EHBP1: variants seen among roughly 807,000 people sequenced by gnomAD.
The protein encoded by EHBP1 is EH domain-binding protein 1.
EHBP1 carries 55 observed loss-of-function variants against 144.0 expected under a neutral mutation model. The observed-to-expected ratio is 0.38, with a 90% CI of 0.31 to 0.48. The LOEUF is 0.48. Ranked by LOEUF, EHBP1 falls within the 20% of genes least tolerant of loss-of-function variation. The probability of loss-of-function intolerance (pLI) is 0.98; values close to 1 mark genes in which losing one functional copy is unlikely to be tolerated. For synonymous variants in EHBP1, 469 were observed against 472.7 expected (o/e 0.99, Z 0.10); for missense variants, 1,200 against 1,364.2 (o/e 0.88, Z 1.90).
At chr2:62,958,823 T>C (rs1424452803) in intron 14 of EHBP1, among the ~76,000 whole-genome samples, 2 of 152,166 alleles carry the variant, frequency 1.3e-5, no homozygotes, top group Non-Finnish European at 2.9e-5. Flanking sequence ...TTCTGAAAGA[T>C]ATAAAAGAGT....
chr2:62,887,893 G>A (rs1441993690), intron 10 of EHBP1, among the ~76,000 whole-genome samples: 1 of 152,058 alleles, frequency 6.6e-6, no homozygotes, highest in Non-Finnish European at 1.5e-5. Flanking sequence ...TTTCTTCAAG[G>A]TCATTGCTCT....
chr2:63,016,792 A>G (rs1042076749), intron 19 of EHBP1, among the ~76,000 whole-genome samples: 2 of 152,180 alleles, frequency 1.3e-5, no homozygotes, highest in Admixed American at 6.5e-5. Flanking sequence ...ATGTCAAACA[A>G]TTGATTCTGC....
chr2:62,845,092 T>C (rs1374652804), intron 7 of EHBP1, among the ~76,000 whole-genome samples: 3 of 141,706 alleles, frequency 2.1e-5, no homozygotes, highest in Non-Finnish European at 4.5e-5. Flanking sequence ...CAGATTATCT[T>C]TTTTTTTTTT....
At chr2:62,775,756 C>G (rs908421317) in intron 5 of EHBP1, among the ~76,000 whole-genome samples, 3 of 152,126 alleles carry the variant, frequency 2.0e-5, no homozygotes, top group African/African-American at 7.2e-5. Context: ...TGGTGTGAGT[C>G]AGATATAACC....
At chr2:62,767,574 C>G (rs369233607) in intron 4 of EHBP1, among the ~76,000 whole-genome samples, 1 of 151,798 alleles carries the variant, frequency 6.6e-6, no homozygotes, top group African/African-American at 2.4e-5. Context: ...GTGGCTCACT[C>G]CTGTAATCCC....
At chr2:62,748,977 ACTTTTTT>A (rs2039417308) in intron 3 of EHBP1, among the ~76,000 whole-genome samples, 1 of 151,930 alleles carries the variant, frequency 6.6e-6, no homozygotes, top group Non-Finnish European at 1.5e-5. Flanking sequence ...TGTTTTAATC[ACTTTTTT>A]CTTTTTTATT....
At chr2:62,745,984 A>G (rs968772984) in intron 2 of EHBP1, among the ~76,000 whole-genome samples, 1 of 152,118 alleles carries the variant, frequency 6.6e-6, no homozygotes, top group Non-Finnish European at 1.5e-5. Context: ...CTATAAAAGT[A>G]CTGTCGAAAT....
At chr2:62,790,464 G>A (rs1037291903) in intron 5 of EHBP1, among the ~76,000 whole-genome samples, 1 of 152,046 alleles carries the variant, frequency 6.6e-6, no homozygotes, top group Admixed American at 6.6e-5. Context: ...GATGCTTGTT[G>A]GTGGCATGTT....
intron 4 of EHBP1, among the ~76,000 whole-genome samples, chr2:62,765,697 C>T (rs1334324247): frequency 1.3e-5 from 2 of 152,234 alleles, no homozygotes; most frequent in African/African-American, 4.8e-5. Flanking sequence ...AGAACTGGGA[C>T]ATGGTGTTGC....
intron 14 of EHBP1, among the ~76,000 whole-genome samples, chr2:62,976,972 C>CTCTAAT (rs1559011997): frequency 6.6e-6 from 1 of 151,768 alleles, no homozygotes; most frequent in Non-Finnish European, 1.5e-5. Context: ...GAATTGGTGC[C>CTCTAAT]TCTAATTCTA....
chr2:62,969,382 A>G (rs1461788211), intron 14 of EHBP1, among the ~76,000 whole-genome samples: 2 of 152,166 alleles, frequency 1.3e-5, no homozygotes, highest in African/African-American at 4.8e-5. Context: ...ATGGTATAAC[A>G]CTGCAAAACA....
At chr2:62,966,479 T>C (rs958200752) in intron 14 of EHBP1, among the ~76,000 whole-genome samples, 1 of 152,158 alleles carries the variant, frequency 6.6e-6, no homozygotes, top group Non-Finnish European at 1.5e-5. Flanking sequence ...TTATACCTTT[T>C]CCCGAGTGCT....
intron 7 of EHBP1, among the ~76,000 whole-genome samples, chr2:62,832,321 T>G (rs2046871512): frequency 6.6e-6 from 1 of 152,120 alleles, no homozygotes. Context: ...AGAAATATGT[T>G]TTTACATGTA....
chr2:62,970,506 G>C (rs1288471188), intron 14 of EHBP1, among the ~76,000 whole-genome samples: 2 of 152,062 alleles, frequency 1.3e-5, no homozygotes, highest in East Asian at 3.8e-4. Flanking sequence ...TTAAAGTTTT[G>C]TTAAGGCTTA....
chr2:62,875,592 ACC>A (rs2050830970), intron 10 of EHBP1, among the ~76,000 whole-genome samples: 3 of 152,218 alleles, frequency 2.0e-5, no homozygotes, highest in African/African-American at 7.2e-5. Context: ...GTGTCTTCTT[ACC>A]TCAAAACAAT....
chr2:62,711,980 A>G (rs377013700), intron 2 of EHBP1, among the ~76,000 whole-genome samples: 1 of 152,234 alleles, frequency 6.6e-6, no homozygotes, highest in African/African-American at 2.4e-5. Context: ...GCTACAAAGC[A>G]GAGAACTAGG....
chr2:62,863,240 G>A (rs938159260), intron 8 of EHBP1, among the ~76,000 whole-genome samples: 4 of 151,956 alleles, frequency 2.6e-5, no homozygotes, highest in African/African-American at 7.3e-5. Flanking sequence ...AGCCGAGATT[G>A]CACCACTGCA....
At chr2:62,869,572 A>AAACAATCT (rs2050302136) in intron 9 of EHBP1, among the ~76,000 whole-genome samples, 1 of 152,220 alleles carries the variant, frequency 6.6e-6, no homozygotes, top group Admixed American at 6.5e-5. Context: ...TAGAATATGC[A>AAACAATCT]AACAATCTAT....
intron 19 of EHBP1, among the ~76,000 whole-genome samples, chr2:63,000,337 T>C (rs888326059): frequency 6.6e-6 from 1 of 151,922 alleles, no homozygotes; most frequent in African/African-American, 2.4e-5. Flanking sequence ...CCTAAATCAG[T>C]GATAGTTTGA....
Sources: allele counts gnomAD v4.1 joint callset (sites outside exome capture counted in the v4.1 genomes callset), GRCh38; gene constraint gnomAD v4.1.1; transcripts MANE v1.5; gene names NCBI Gene and HGNC (gene_info 2026-07-23, HGNC 2026-07-21).